CDT1: variants seen among roughly 807,000 people sequenced by gnomAD.
The protein encoded by CDT1 is DNA replication factor Cdt1.
CDT1 carries 66 observed loss-of-function variants against 49.3 expected under a neutral mutation model. That is an observed-to-expected ratio of 1.34 (90% CI 1.10 to 1.64). The LOEUF is 1.64. Ranked by LOEUF, CDT1 falls within the 40% of genes most tolerant of loss-of-function variation. CDT1 has a pLI of 0.00. For synonymous variants in CDT1, 424 were observed against 347.4 expected (o/e 1.22, Z -2.45); for missense variants, 958 against 807.7 (o/e 1.19, Z -2.26).
chr16:88,806,987 G>A (rs1307407030), intron 7 of CDT1, 64 bp from the exon 8 acceptor site: 2 of 1,603,004 alleles, frequency 1.2e-6, no homozygotes, highest in Admixed American at 1.7e-5. Flanking sequence ...GGGGACTCCT[G>A]GGCAGACAGC....
At chr16:88,805,898 C>T (rs1478441058) in intron 5 of CDT1, 29 bp downstream of exon 5, 1 of 1,610,860 alleles carries the variant, frequency 6.2e-7, no homozygotes, top group South Asian at 1.1e-5. Flanking sequence ...ACCTCGGTTT[C>T]CCCATCTGTG....
chr16:88,803,912 C>A lies in CDT1; in HGVS notation c.81C>A (p.Cys27Ter), dbSNP rs2142940783. 1.4e-6 allele frequency: 2 copies of A among 1,391,998 alleles called. No individual in the cohort carries two copies. Among genetic ancestry groups the A allele is most frequent in the Non-Finnish European group, 1.9e-6 (2 of 1,068,702 alleles). 86.2% of individuals were successfully genotyped at this position (1,391,998 alleles called of 1,614,324 possible). ...PPRIAPPKLA[C>*]RTPSPARPAL... ...GCATCGCGCCGCCCAAGCTGGCCTG[C>A]CGCACCCCCAGCCCCGCCAGGCCCG... The change falls in exon 1 of 10, where the codon TGC becomes TGA. Residue 27 changes from cysteine (C) to a stop codon, truncating the protein, a stop_gained. Coordinates refer to ENST00000301019, the MANE Select transcript of CDT1 (RefSeq NM_030928.4). LOFTEE classifies it high-confidence loss of function.
chr16:88,806,315 G>T, intron 6 of CDT1, 171 bp from the exon 7 acceptor site: 1 of 997,746 alleles, frequency 1.0e-6, no homozygotes, highest in Non-Finnish European at 1.5e-6. Context: ...GGCGTTCAGC[G>T]AGCGCGGACC....
chr16:88,805,958 G>A, intron 5 of CDT1, 63 bp from the exon 6 acceptor site: 1 of 1,582,024 alleles, frequency 6.3e-7, no homozygotes. Flanking sequence ...TCTGGCCCAG[G>A]ACTGGTCACG....
chr16:88,806,978 G>C, intron 7 of CDT1, 73 bp from the exon 8 acceptor site: 1 of 1,581,150 alleles, frequency 6.3e-7, no homozygotes, highest in Middle Eastern at 1.7e-4. Context: ...AGAGATACCG[G>C]GGACTCCTGG....
Position 88,806,022 on chromosome 16 carries a change from G to A in CDT1, c.834G>A (p.Glu278=). 1 of 1,590,236 alleles carries A rather than the reference G, an allele frequency of 6.3e-7. No homozygotes were observed. The highest frequency in any genetic ancestry group is 1.1e-5 in the South Asian group (1 of 88,674). Residue 278 remains glutamate (E), a splice_region_variant and synonymous_variant, in exon 6 of 10, where the codon GAG becomes GAA. Coordinates refer to ENST00000301019, the MANE Select transcript of CDT1 (RefSeq NM_030928.4). Reference sequence around the variant, plus strand: ...CTTAGGCCTGGACTCGTCCCACAGAGGCTGACGGAGCAGCCCCCCAGCTCA... The same window carrying A: ...CTTAGGCCTGGACTCGTCCCACAGAAGCTGACGGAGCAGCCCCCCAGCTCA... The part of the protein sequence containing the change: ...QLTIEPLLEQ[E]ADGAAPQLTA...
In CDT1 at chr16:88,804,752, C is replaced by T; in HGVS notation, c.352-10C>T. ...GCCTGACGGCACCGTGTCCCCTGAT[C>T]CCCCTGAAGGACACCATCTCTGAGC... On this transcript the variant is annotated splice_polypyrimidine_tract_variant and intron_variant, in intron 2 of 9. Transcript: ENST00000301019. 4 of 1,612,820 alleles carry T rather than the reference C, an allele frequency of 2.5e-6. No individual in the cohort carries two copies. Among genetic ancestry groups the T allele is most frequent in the African/African-American group, 1.3e-5 (1 of 75,058 alleles).
chr16:88,806,314 C>T (rs1408290007), intron 6 of CDT1, 172 bp from the exon 7 acceptor site: 4 of 990,182 alleles, frequency 4.0e-6, no homozygotes, highest in South Asian at 2.9e-5. Context: ...AGGCGTTCAG[C>T]GAGCGCGGAC....
chr16:88,807,268 G>A lies in CDT1; in HGVS notation c.1276-13G>A. 6.2e-7 allele frequency: 1 copy of A among 1,611,816 alleles called. No homozygotes were observed. The highest frequency in any genetic ancestry group is 8.5e-7 in the Non-Finnish European group (1 of 1,179,800). On this transcript the variant is annotated splice_polypyrimidine_tract_variant and intron_variant, in intron 8 of 9. Transcript: ENST00000301019. ...CCTGCTGCCCACTAACCAGGTCCCG[G>A]TACCTGCTGCAGATCCGAGCCAAGG...
intron 1 of CDT1, among the ~76,000 whole-genome samples, chr16:88,804,289 G>C (rs192837984): frequency 2.6e-4 from 40 of 152,276 alleles, no homozygotes; most frequent in African/African-American, 9.6e-4. Flanking sequence ...GCTTGCACCG[G>C]GATCCGATGA....
chr16:88,808,060 C>T, intron 9 of CDT1, 55 bp from the exon 10 acceptor site: 1 of 1,587,516 alleles, frequency 6.3e-7, no homozygotes, highest in South Asian at 1.1e-5. Flanking sequence ...TCAAGTGCTG[C>T]CCGTGCAGGG....
chr16:88,807,158 C>T lies in CDT1; in HGVS notation c.1230C>T (p.Ala410=). The T allele has an allele frequency of 6.2e-7, 1 of 1,612,584 alleles. No homozygotes were observed. Among genetic ancestry groups the T allele is most frequent in the African/African-American group, 1.3e-5 (1 of 75,062 alleles). Residue 410 remains alanine (A), a synonymous_variant, in exon 8 of 10, where the codon GCC becomes GCT. Transcript: ENST00000301019. ...PATPPATPPA[A]SPSALKGVSQ... is the part of the protein sequence containing the mutation. Reference sequence around the variant, plus strand: ...CCCCACCAGCCACCCCGCCTGCAGCCTCTCCCAGTGCTCTGAAGGGGGTGT... The same window carrying T: ...CCCCACCAGCCACCCCGCCTGCAGCTTCTCCCAGTGCTCTGAAGGGGGTGT...
chr16:88,805,138 C>T (rs1471589097), intron 3 of CDT1, among the ~76,000 whole-genome samples: 1 of 152,236 alleles, frequency 6.6e-6, no homozygotes, highest in Non-Finnish European at 1.5e-5. Context: ...TCAAATGCTC[C>T]TGATGCATTG....
chr16:88,807,886 C>G (rs1013067766), intron 9 of CDT1, among the ~76,000 whole-genome samples: 5 of 152,218 alleles, frequency 3.3e-5, no homozygotes, highest in African/African-American at 1.2e-4. Context: ...CCTCCATGCT[C>G]GGTGCCTCCT....
rs952708220 is a variant in CDT1, at chr16:88,807,186, C to T, written c.1258C>T (p.Gln420Ter). The change falls in exon 8 of 10, where the codon CAG becomes TAG. Residue 420 changes from glutamine to a stop codon, truncating the protein, a stop_gained. Transcript: ENST00000301019. LOFTEE classifies it high-confidence loss of function. ...TCCCAGTGCTCTGAAGGGGGTGTCC[C>T]AGGATCTGCTGGAGCGGGTGAGTCG... Reference protein sequence around the residue: ...ASPSALKGVSQDLLERIRAKE... With the variant: ...ASPSALKGVS 2 of 1,612,312 alleles carry T rather than the reference C, an allele frequency of 1.2e-6. No individual in the cohort carries two copies. The highest frequency in any genetic ancestry group is 1.3e-5 in the African/African-American group (1 of 74,946).
intron 6 of CDT1, 31 bp from the exon 7 acceptor site, chr16:88,806,455 C>G (rs760673657): frequency 6.2e-7 from 1 of 1,605,800 alleles, no homozygotes; most frequent in Non-Finnish European, 8.5e-7. Flanking sequence ...TCAGATGTGC[C>G]CAGGGTCACC....
At chr16:88,807,566 GTC>G (rs1908914812) in intron 9 of CDT1, 84 bp downstream of exon 9, 2 of 1,279,476 alleles carry the variant, frequency 1.6e-6, no homozygotes, top group Non-Finnish European at 2.2e-6. Context: ...GAGCAGAGGT[GTC>G]TGTCACTGAT....
At position 88,808,180 on chromosome 16, in the gene CDT1, A is replaced by G. The variant is rs755157588; in HGVS notation, c.1543A>G (p.Ile515Val). The G allele has an allele frequency of 8.5e-5, 137 of 1,612,702 alleles. No individual in the cohort carries two copies. The highest frequency in any genetic ancestry group is 1.1e-4 in the Non-Finnish European group (135 of 1,179,964). ...LLPDWLSLHRIRTDTYVKLDK... is the reference protein window; with the variant it reads ...LLPDWLSLHRVRTDTYVKLDK... ...GCCGGACTGGCTCAGCCTCCACCGC[A>G]TCCGCACCGACACCTACGTCAAGCT... Residue 515 changes from isoleucine to valine, a missense_variant, in exon 10 of 10, where the codon ATC becomes GTC. By Grantham distance (29) the Ile-to-Val change is conservative. Coordinates refer to ENST00000301019, the MANE Select transcript of CDT1 (RefSeq NM_030928.4).
rs934239544 is a variant in CDT1 at position 88,808,340 on chromosome 16, ATTTTC to A, written c.*67_*71del. 124 of 1,513,254 alleles carry A rather than the reference ATTTTC, an allele frequency of 8.2e-5. No homozygotes were observed. The African/African-American group carries it at 1.3e-3, about 16-fold the overall frequency. 93.7% of individuals were successfully genotyped at this position (1,513,254 alleles called of 1,614,324 possible). On this transcript the variant is annotated 3_prime_UTR_variant, in exon 10 of 10. Transcript: ENST00000301019. Reference sequence around the variant, plus strand: ...AGCTCGCTGGCCTGGGCCCACCAGCATTTTCTTTTATGAACATGATACACTTTGGC... The same window carrying A: ...AGCTCGCTGGCCTGGGCCCACCAGCATTTTATGAACATGATACACTTTGGC...
Sources: allele counts gnomAD v4.1 joint callset (sites outside exome capture counted in the v4.1 genomes callset), GRCh38; gene constraint gnomAD v4.1.1; transcripts MANE v1.5; gene names NCBI Gene and HGNC (gene_info 2026-07-23, HGNC 2026-07-21).